Variants in SLC9A8 observed in about 807,000 individuals in gnomAD.
SLC9A8 encodes solute carrier family 9 member A8.
A neutral mutation model predicts 66.6 loss-of-function variants in SLC9A8; 48 were observed. The observed-to-expected ratio is 0.72, with a 90% CI of 0.57 to 0.92. SLC9A8 has a LOEUF of 0.92. Among genes scored for constraint, SLC9A8 ranks in the 40% least tolerant of loss-of-function variants. The pLI is 0.00. For synonymous variants in SLC9A8, 274 were observed against 282.6 expected (o/e 0.97, Z 0.31); for missense variants, 599 against 747.3 (o/e 0.80, Z 2.31).
At chr20:49,830,008 G>A (rs896816546) in intron 3 of SLC9A8, 2 of 637,004 alleles carry the variant, frequency 3.1e-6, no homozygotes, top group African/African-American at 3.6e-5. Context: ...TGAAGTGGAT[G>A]ATGGCCGGAC....
chr20:49,826,551 T>C (rs923515173), intron 3 of SLC9A8, among the ~76,000 whole-genome samples: 1 of 152,202 alleles, frequency 6.6e-6, no homozygotes, highest in African/African-American at 2.4e-5. Flanking sequence ...CCATCTGCAC[T>C]CCAAAAGCAC....
chr20:49,822,497 G>T (rs894190886), intron 2 of SLC9A8, among the ~76,000 whole-genome samples: 1 of 152,088 alleles, frequency 6.6e-6, no homozygotes, highest in Non-Finnish European at 1.5e-5. Flanking sequence ...AAAAAAATAG[G>T]TTTCTGGCTG....
chr20:49,834,566 G>A (rs1362424431), intron 3 of SLC9A8, among the ~76,000 whole-genome samples: 1 of 149,518 alleles, frequency 6.7e-6, no homozygotes, highest in Non-Finnish European at 1.5e-5. Flanking sequence ...CATTTTCTCT[G>A]TTGGGTAGAT....
At chr20:49,818,502 TC>T (rs200784373) in intron 2 of SLC9A8, among the ~76,000 whole-genome samples, 32 of 147,988 alleles carry the variant, frequency 2.2e-4, no homozygotes, top group Middle Eastern at 3.5e-3. Context: ...TTTTTTTTTT[TC>T]CCCCTGAGAT....
At chr20:49,867,708 G>A (rs767361348) in intron 10 of SLC9A8, among the ~76,000 whole-genome samples, 9 of 152,110 alleles carry the variant, frequency 5.9e-5, no homozygotes, top group Non-Finnish European at 8.8e-5. Flanking sequence ...CCTTCCGGCA[G>A]GAATCACAGT....
chr20:49,864,929 T>C, intron 10 of SLC9A8, 85 bp downstream of exon 10: 2 of 863,956 alleles, frequency 2.3e-6, no homozygotes, highest in South Asian at 1.3e-5. Flanking sequence ...GGGTCACTTT[T>C]AGTCACAAGA....
intron 1 of SLC9A8, among the ~76,000 whole-genome samples, 199 bp downstream of exon 1, chr20:49,813,147 C>G (rs1568776462): frequency 6.6e-6 from 1 of 152,232 alleles, no homozygotes; most frequent in Non-Finnish European, 1.5e-5. Context: ...CCCTGGAGAT[C>G]GGTCCCTCGA....
Position 49,815,207 on chromosome 20 carries a change from C to T in SLC9A8, c.208+18C>T. 6.7e-7 allele frequency: 1 copy of T among 1,497,332 alleles called. No individual in the cohort carries two copies. The highest frequency in any genetic ancestry group is 8.9e-7 in the Non-Finnish European group (1 of 1,118,398). The allele number at this position is 1,497,332 out of a possible 1,614,324, so 92.8% of individuals were successfully genotyped here. A position where few individuals can be genotyped will look rare whatever the true frequency, so the allele number is the denominator to read the frequency against. On this transcript the variant is annotated intron_variant, in intron 2 of 15. Coordinates refer to ENST00000361573, the MANE Select transcript of SLC9A8 (RefSeq NM_015266.3). ...TGTCCTAGGTGAATATGGACACTGT[C>T]ATCCCCATCATCTGCCATCCCGTGT... is the stretch of plus-strand genomic sequence containing the variant.
In SLC9A8 at chr20:49,877,885, G is replaced by A. The variant is rs950004246; in HGVS notation, c.1076-96G>A. 16 of 793,420 alleles carry A rather than the reference G, an allele frequency of 2.0e-5. No individual in the cohort carries two copies. The African/African-American group carries it at 2.3e-4, about 11-fold the overall frequency. The allele number at this position is 793,420 out of a possible 1,614,324, so 49.1% of individuals were successfully genotyped here. ...AAGAAAATAAGGAAAGTGTTGTATT[G>A]GATTCTGACTGTGAATGTTTGCTTG... is the stretch of plus-strand genomic sequence containing the variant. On this transcript the variant is annotated intron_variant, in intron 11 of 15. Coordinates refer to ENST00000361573, the MANE Select transcript of SLC9A8 (RefSeq NM_015266.3).
Position 49,864,751 on chromosome 20 carries a change from A to G in SLC9A8, c.865A>G (p.Ile289Val). The G allele has an allele frequency of 6.2e-7, 1 of 1,613,764 alleles. No homozygotes were observed. Among genetic ancestry groups the G allele is most frequent in the Non-Finnish European group, 8.5e-7 (1 of 1,179,658 alleles). The change falls in exon 10 of 16, where the codon ATT becomes GTT. Residue 289 changes from isoleucine to valine, a missense_variant. Physicochemically the swap from Ile to Val is conservative, Grantham distance 29. This residue lies in a region of SLC9A8 where 467 missense variants were observed against 626.5 expected (regional missense o/e 0.75). Coordinates refer to ENST00000361573, the MANE Select transcript of SLC9A8 (RefSeq NM_015266.3). ...GLISALVLKH[I>V]DLRKTPSLEF... The stretch of plus-strand genomic sequence containing the variant: ...AGTTGTCATTTACGTGCTGAAGCAT[A>G]TTGACTTGAGGAAAACGCCTTCCTT...
chr20:49,873,435 C>CGGT lies in SLC9A8; in HGVS notation c.959-1270_959-1269insGGT, dbSNP rs2089286785. Among the ~76,000 whole-genome samples the CGGT allele has an allele frequency of 2.8e-5, 4 of 143,852 alleles. No individual in the cohort carries two copies. The Admixed American group carries it at 2.8e-4, about 10-fold the overall frequency. The allele number at this position is 143,852 out of a possible 152,430, so 94.4% of individuals were successfully genotyped here. A position where few individuals can be genotyped will look rare whatever the true frequency, so the allele number is the denominator to read the frequency against. ...AGATGGAGGTTGCAGTGAGCTGATA[C>CGGT]CACGCCATTGCACTCCAGCCTGGGC... is the stretch of plus-strand genomic sequence containing the variant. On this transcript the variant is annotated intron_variant, in intron 10 of 15. Coordinates refer to ENST00000361573, the MANE Select transcript of SLC9A8 (RefSeq NM_015266.3).
At chr20:49,829,462 G>A (rs1273688161) in intron 3 of SLC9A8, 1 of 200,206 alleles carries the variant, frequency 5.0e-6, no homozygotes, top group East Asian at 1.7e-4. Flanking sequence ...GGTGGAGCTT[G>A]CAGTGAGCCG....
chr20:49,812,830 TCGCC>T lies in SLC9A8; in HGVS notation c.-85_-82del. 7.0e-7 allele frequency: 1 copy of T among 1,427,960 alleles called. No individual in the cohort carries two copies. Among genetic ancestry groups the T allele is most frequent in the South Asian group, 1.3e-5 (1 of 78,330 alleles). 88.5% of individuals were successfully genotyped at this position (1,427,960 alleles called of 1,614,324 possible). A position where few individuals can be genotyped will look rare whatever the true frequency, so the allele number is the denominator to read the frequency against. On this transcript the variant is annotated 5_prime_UTR_variant, in exon 1 of 16. Transcript: ENST00000361573. ...GCGCGGCCGAGGCCCCGCCTCCCGCTCGCCCGCCCGCGCCTCCAGCGGAAGCCGG... is the reference window on the plus strand; with the variant it reads ...GCGCGGCCGAGGCCCCGCCTCCCGCTCGCCCGCGCCTCCAGCGGAAGCCGG...
At chr20:49,829,530 A>G in intron 3 of SLC9A8, 2 of 287,362 alleles carry the variant, frequency 7.0e-6, no homozygotes, top group South Asian at 6.7e-5. Context: ...CTCAAAAAAA[A>G]AAAAGAACCT....
chr20:49,814,783 G>A (rs992250854), intron 1 of SLC9A8, among the ~76,000 whole-genome samples: 2 of 152,072 alleles, frequency 1.3e-5, no homozygotes, highest in East Asian at 1.9e-4. Flanking sequence ...ATTCCCTACC[G>A]TTCTTGTCCT....
chr20:49,842,558 G>A (rs1267529629), intron 4 of SLC9A8, among the ~76,000 whole-genome samples: 2 of 152,152 alleles, frequency 1.3e-5, no homozygotes, highest in African/African-American at 4.8e-5. Flanking sequence ...AGGTGTCTTG[G>A]ATTTATTTGG....
intron 14 of SLC9A8, 127 bp downstream of exon 14, chr20:49,884,193 A>G (rs765631839): frequency 1.1e-4 from 65 of 568,888 alleles, no homozygotes; most frequent in Middle Eastern, 6.1e-4. Context: ...GCACCTCCAC[A>G]CACACGACAC....
chr20:49,879,760 G>A (rs2089559227), intron 12 of SLC9A8, among the ~76,000 whole-genome samples: 1 of 151,150 alleles, frequency 6.6e-6, no homozygotes, highest in Non-Finnish European at 1.5e-5. Flanking sequence ...GGGAGGCAGA[G>A]GTTGCAGTGA....
intron 10 of SLC9A8, among the ~76,000 whole-genome samples, chr20:49,871,466 A>G (rs371750657): frequency 2.0e-5 from 3 of 152,160 alleles, no homozygotes; most frequent in Non-Finnish European, 2.9e-5. Context: ...CTTAAAGGAA[A>G]TTCTTCCTTA....
Sources: allele counts gnomAD v4.1 joint callset (sites outside exome capture counted in the v4.1 genomes callset), GRCh38; gene constraint gnomAD v4.1.1; regional missense constraint gnomAD v4.1.1; transcripts MANE v1.5; gene names NCBI Gene and HGNC (gene_info 2026-07-23, HGNC 2026-07-21).